Variants in NCOA3 observed in about 807,000 individuals in gnomAD.
NCOA3 encodes CBP-interacting protein.
A neutral mutation model predicts 158.8 loss-of-function variants in NCOA3; 51 were observed. The ratio of observed to expected loss-of-function variants is 0.32; its 90% CI spans 0.26 to 0.41. The LOEUF (loss-of-function observed/expected upper bound fraction) is 0.41, where lower values mean the gene tolerates loss of function less well. NCOA3 is among the 10% of genes least tolerant of loss of function. The probability of loss-of-function intolerance (pLI) is 1.00; values close to 1 mark genes in which losing one functional copy is unlikely to be tolerated. For missense variants in NCOA3, 1,510 were observed against 1,746.6 expected (o/e 0.86, Z 2.41); for synonymous variants, 537 against 592.4 (o/e 0.91, Z 1.36).
At chr20:47,590,491 A>T (rs1038594507) in intron 2 of NCOA3, among the ~76,000 whole-genome samples, 33 of 152,284 alleles carry the variant, frequency 2.2e-4, no homozygotes, top group South Asian at 8.3e-4. Context: ...ATGCCATTTA[A>T]AAATTTTCCT....
rs1193723105 is a variant in NCOA3, at chr20:47,656,746, A to AAAT, written c.*3331_*3333dup. 6.6e-6 allele frequency: 1 copy of AAAT among 152,608 alleles called. No individual in the cohort carries two copies. Among genetic ancestry groups the AAAT allele is most frequent in the Non-Finnish European group, 1.5e-5 (1 of 68,044 alleles). 9.5% of individuals were successfully genotyped at this position (152,608 alleles called of 1,614,324 possible). A position where few individuals can be genotyped will look rare whatever the true frequency, so the allele number is the denominator to read the frequency against. On this transcript the variant is annotated 3_prime_UTR_variant, in exon 23 of 23. Coordinates refer to ENST00000371998, the MANE Select transcript of NCOA3 (RefSeq NM_181659.3). ...CAAGTTTACATTATGTTGCTTAAAAAAATAGAAATTATTCTTTATCTTGCA... is the reference window on the plus strand; with the variant it reads ...CAAGTTTACATTATGTTGCTTAAAAAAATAATAGAAATTATTCTTTATCTTGCA...
At chr20:47,568,173 T>G (rs1713345997) in intron 1 of NCOA3, among the ~76,000 whole-genome samples, 1 of 152,206 alleles carries the variant, frequency 6.6e-6, no homozygotes, top group Admixed American at 6.5e-5. Flanking sequence ...GTGGCTCCAG[T>G]TGAGTTTACT....
intron 2 of NCOA3, among the ~76,000 whole-genome samples, chr20:47,597,016 A>G (rs1164465421): frequency 6.6e-6 from 1 of 152,210 alleles, no homozygotes; most frequent in East Asian, 1.9e-4. Flanking sequence ...TAAGTACTTG[A>G]TTTCAAAAAA....
At chr20:47,634,915 T>C (rs1280336700) in intron 10 of NCOA3, among the ~76,000 whole-genome samples, 5 of 143,588 alleles carry the variant, frequency 3.5e-5, no homozygotes, top group African/African-American at 1.3e-4. Flanking sequence ...TCTTCTTCTC[T>C]TCTTCTTTTT....
Position 47,623,940 on chromosome 20 carries a change from G to A in NCOA3, c.113G>A (p.Arg38Gln), listed in dbSNP as rs2086282387. Residue 38 changes from arginine (R) to glutamine (Q), a missense_variant, in exon 4 of 23, where the codon CGG becomes CAG. Coordinates refer to ENST00000371998, the MANE Select transcript of NCOA3 (RefSeq NM_181659.3). ...GLTCSGEKRR[R>Q]EQESKYIEEL... ...ACCTGCAGTGGTGAAAAACGGAGAC[G>A]GGAGCAGGAAAGTAAATATATTGAA... 1.2e-6 allele frequency: 2 copies of A among 1,613,170 alleles called. No homozygotes were observed. Among genetic ancestry groups the A allele is most frequent in the African/African-American group, 1.3e-5 (1 of 74,820 alleles).
At chr20:47,586,793 T>C (rs898171208) in intron 2 of NCOA3, among the ~76,000 whole-genome samples, 3 of 152,236 alleles carry the variant, frequency 2.0e-5, no homozygotes, top group Non-Finnish European at 4.4e-5. Context: ...GTCTGAAATT[T>C]CCTTGTGATT....
At chr20:47,528,392 T>C (rs2084491171) in intron 1 of NCOA3, among the ~76,000 whole-genome samples, 1 of 152,194 alleles carries the variant, frequency 6.6e-6, no homozygotes, top group Non-Finnish European at 1.5e-5. Context: ...TATTTATTAT[T>C]ACTAACTAAA....
At position 47,655,255 on chromosome 20, in the gene NCOA3, C is replaced by A. The variant is rs1479078352; in HGVS notation, c.*1838C>A. ...AAAAATCAAGTTTAATTCCCTTTAT[C>A]TGGGTTAATTCATTTGGTTCAAATA... On this transcript the variant is annotated 3_prime_UTR_variant, in exon 23 of 23. Coordinates refer to ENST00000371998, the MANE Select transcript of NCOA3 (RefSeq NM_181659.3). 1 of 152,136 alleles carries A rather than the reference C, an allele frequency of 6.6e-6. No homozygotes were observed. The highest frequency in any genetic ancestry group is 1.5e-5 in the Non-Finnish European group (1 of 68,020). The allele number at this position is 152,136 out of a possible 1,614,324, so 9.4% of individuals were successfully genotyped here. A position where few individuals can be genotyped will look rare whatever the true frequency, so the allele number is the denominator to read the frequency against.
chr20:47,573,918 G>C (rs1372258490), intron 1 of NCOA3, among the ~76,000 whole-genome samples: 1 of 152,038 alleles, frequency 6.6e-6, no homozygotes, highest in Non-Finnish European at 1.5e-5. Flanking sequence ...AGAATGCTCC[G>C]TGGCCATTAA....
At chr20:47,510,757 T>G (rs1449536221) in intron 1 of NCOA3, among the ~76,000 whole-genome samples, 1 of 152,032 alleles carries the variant, frequency 6.6e-6, no homozygotes, top group African/African-American at 2.4e-5. Flanking sequence ...CACTCCTGGC[T>G]GATGTTTTTA....
intron 2 of NCOA3, among the ~76,000 whole-genome samples, chr20:47,592,245 A>G (rs2085655884): frequency 6.6e-6 from 1 of 152,074 alleles, no homozygotes; most frequent in Non-Finnish European, 1.5e-5. Context: ...GGGTTTTGCC[A>G]TGTTGGCCAG....
intron 1 of NCOA3, among the ~76,000 whole-genome samples, chr20:47,512,587 A>AAAAAAAAAAAAAAAAAAAAAAAAC (rs1569311524): frequency 6.9e-6 from 1 of 144,564 alleles, no homozygotes. Context: ...AAAAAAAAAA[A>AAAAAAAAAAAAAAAAAAAAAAAAC]AACACAAAAG....
At position 47,625,433 on chromosome 20, in the gene NCOA3, A is replaced by G. The variant is rs369363120; in HGVS notation, c.309A>G (p.Thr103=). 1.9e-6 allele frequency: 3 copies of G among 1,613,734 alleles called. No individual in the cohort carries two copies. In the African/African-American group the frequency reaches 4.0e-5, roughly 22 times the overall value. ...TTCAAAAAGCCGATGTATCTTCTAC[A>G]GGGCAGGGAGTTATTGATAAAGACT... is the stretch of plus-strand genomic sequence containing the variant. The part of the protein sequence containing the change: ...DDVQKADVSS[T]GQGVIDKDSL... The change falls in exon 5 of 23, where the codon ACA becomes ACG. Residue 103 remains threonine (T), a synonymous_variant. Coordinates refer to ENST00000371998, the MANE Select transcript of NCOA3 (RefSeq NM_181659.3).
chr20:47,653,367 CATT>C, intron 22 of NCOA3, 36 bp from the exon 23 acceptor site: 1 of 1,059,042 alleles, frequency 9.4e-7, no homozygotes, highest in Non-Finnish European at 1.4e-6. Context: ...GTGTTTTACT[CATT>C]TTTTTTTTTT....
At chr20:47,510,127 G>A (rs572976291) in intron 1 of NCOA3, among the ~76,000 whole-genome samples, 1 of 152,180 alleles carries the variant, frequency 6.6e-6, no homozygotes, top group African/African-American at 2.4e-5. Context: ...AATCCAGAAA[G>A]CGACTTTAAA....
intron 1 of NCOA3, among the ~76,000 whole-genome samples, chr20:47,525,180 CT>C (rs1466346215): frequency 1.3e-5 from 2 of 151,142 alleles, no homozygotes; most frequent in Non-Finnish European, 3.0e-5. Flanking sequence ...CAAAGCACAT[CT>C]TGCACCGCCC....
At chr20:47,556,301 GTTTTTATGATGGAACT>G (rs1286048569) in intron 1 of NCOA3, among the ~76,000 whole-genome samples, 1 of 152,192 alleles carries the variant, frequency 6.6e-6, no homozygotes, top group Non-Finnish European at 1.5e-5. Context: ...AAGGGGAAGA[GTTTTTATGATGGAACT>G]GTTTATGTGG....
intron 2 of NCOA3, among the ~76,000 whole-genome samples, chr20:47,584,704 G>A (rs1016187019): frequency 2.0e-5 from 3 of 148,886 alleles, no homozygotes; most frequent in Admixed American, 6.6e-5. Flanking sequence ...CATTCTTTTC[G>A]TGAGGTTGAG....
chr20:47,579,594 A>ACTTTCC (rs1447905854), intron 1 of NCOA3, among the ~76,000 whole-genome samples: 2 of 152,234 alleles, frequency 1.3e-5, no homozygotes, highest in Non-Finnish European at 2.9e-5. Context: ...ATCCTGGTAT[A>ACTTTCC]TAGTAGTACT....
Sources: allele counts gnomAD v4.1 joint callset (sites outside exome capture counted in the v4.1 genomes callset), GRCh38; gene constraint gnomAD v4.1.1; transcripts MANE v1.5; gene names NCBI Gene and HGNC (gene_info 2026-07-23, HGNC 2026-07-21).